Variants in LOC128092253 observed in about 807,000 individuals in gnomAD.
At chr6:133,979,932 C>A in the LOC128092253 span, 5 of 555,032 alleles carry the variant, frequency 9.0e-6, no homozygotes, top group Non-Finnish European at 1.3e-5. Flanking sequence ...CAGACATGAG[C>A]CACTGTGCCC....
chr6:133,963,064 GC>G, the LOC128092253 span, among the ~76,000 whole-genome samples: 1 of 152,338 alleles, frequency 6.6e-6, no homozygotes, highest in African/African-American at 2.4e-5. Flanking sequence ...TCAGCAATGA[GC>G]CATTCATTTG....
At chr6:133,967,059 T>C in the LOC128092253 span, among the ~76,000 whole-genome samples, 2 of 152,238 alleles carry the variant, frequency 1.3e-5, no homozygotes, top group Non-Finnish European at 2.9e-5. Flanking sequence ...AGCCTAGTCT[T>C]ATGCCACTTT....
the LOC128092253 span, among the ~76,000 whole-genome samples, chr6:133,955,992 A>G: frequency 6.6e-6 from 1 of 152,204 alleles, no homozygotes; most frequent in Non-Finnish European, 1.5e-5. Flanking sequence ...ATGTTTTTGG[A>G]GAGAGTTATT....
At chr6:133,966,184 G>T in the LOC128092253 span, among the ~76,000 whole-genome samples, 1 of 152,136 alleles carries the variant, frequency 6.6e-6, no homozygotes, top group Admixed American at 6.5e-5. Context: ...AAACTCTGCA[G>T]ACATTTTATT....
At chr6:133,954,094 C>T in the LOC128092253 span, among the ~76,000 whole-genome samples, 17 of 152,172 alleles carry the variant, frequency 1.1e-4, no homozygotes, top group Non-Finnish European at 1.9e-4. Flanking sequence ...TCTAATAGGG[C>T]ATGAGGGCTT....
chr6:133,955,446 CAT>C, the LOC128092253 span, among the ~76,000 whole-genome samples: 2 of 151,976 alleles, frequency 1.3e-5, no homozygotes, highest in East Asian at 1.9e-4. Context: ...GCATTTTCAA[CAT>C]GTGTCCTTCG....
the LOC128092253 span, among the ~76,000 whole-genome samples, chr6:133,962,088 C>T: frequency 2.6e-5 from 4 of 152,068 alleles, no homozygotes; most frequent in East Asian, 1.9e-4. Context: ...TATAAAACCG[C>T]GAAACAGTCT....
the LOC128092253 span, among the ~76,000 whole-genome samples, chr6:133,965,557 A>G: frequency 6.6e-6 from 1 of 151,458 alleles, no homozygotes; most frequent in Non-Finnish European, 1.5e-5. Flanking sequence ...GAACCCCATG[A>G]TCAACAACTA....
chr6:133,966,020 A>G, the LOC128092253 span, among the ~76,000 whole-genome samples: 1 of 152,220 alleles, frequency 6.6e-6, no homozygotes, highest in African/African-American at 2.4e-5. Context: ...TAAGTGGTAG[A>G]GTCTAGATTT....
At chr6:133,979,945 C>T in the LOC128092253 span, 1 of 668,250 alleles carries the variant, frequency 1.5e-6, no homozygotes, top group Non-Finnish European at 2.1e-6. Flanking sequence ...CTGTGCCCGG[C>T]CAGGGACATG....
the LOC128092253 span, among the ~76,000 whole-genome samples, chr6:133,963,208 A>G: frequency 1.3e-5 from 2 of 152,212 alleles, no homozygotes; most frequent in Non-Finnish European, 2.9e-5. Context: ...TACTGATAGA[A>G]GAATAGAGCC....
the LOC128092253 span, among the ~76,000 whole-genome samples, chr6:133,957,749 CCA>C: frequency 6.6e-6 from 1 of 152,164 alleles, no homozygotes; most frequent in Non-Finnish European, 1.5e-5. Context: ...GCCCTGAGCC[CCA>C]GTTTCCTCAT....
At chr6:133,970,962 C>T in the LOC128092253 span, among the ~76,000 whole-genome samples, 2 of 152,122 alleles carry the variant, frequency 1.3e-5, no homozygotes, top group African/African-American at 2.4e-5. Flanking sequence ...TCAAAAGCCT[C>T]TCTTCTAGCT....
the LOC128092253 span, among the ~76,000 whole-genome samples, chr6:133,972,891 G>A: frequency 1.2e-3 from 179 of 152,272 alleles, no homozygotes; most frequent in African/African-American, 4.2e-3. Flanking sequence ...TGAGGTACAG[G>A]TGGTATTATC....
At chr6:133,973,667 T>G in the LOC128092253 span, among the ~76,000 whole-genome samples, 1 of 152,246 alleles carries the variant, frequency 6.6e-6, no homozygotes, top group African/African-American at 2.4e-5. Context: ...ATACAGATGA[T>G]GTGTTCTTGT....
the LOC128092253 span, among the ~76,000 whole-genome samples, chr6:133,978,566 C>T: frequency 6.6e-6 from 1 of 151,990 alleles, no homozygotes; most frequent in African/African-American, 2.4e-5. Context: ...ACTCCTCATA[C>T]GTAAAAATTA....
the LOC128092253 span, among the ~76,000 whole-genome samples, chr6:133,968,676 T>C: frequency 6.6e-6 from 1 of 152,124 alleles, no homozygotes; most frequent in Non-Finnish European, 1.5e-5. Flanking sequence ...GTTTTTTGTT[T>C]TGTTTTGTTT....
At chr6:133,956,806 G>A in the LOC128092253 span, among the ~76,000 whole-genome samples, 1 of 152,168 alleles carries the variant, frequency 6.6e-6, no homozygotes, top group Non-Finnish European at 1.5e-5. Context: ...AAACAATAAA[G>A]ATAATGGTGG....
the LOC128092253 span, among the ~76,000 whole-genome samples, chr6:133,953,790 G>A: frequency 1.3e-5 from 2 of 152,128 alleles, no homozygotes; most frequent in Non-Finnish European, 2.9e-5. Flanking sequence ...TTCCTCATCT[G>A]TCTCGGAGCC....
Sources: allele counts gnomAD v4.1 joint callset (sites outside exome capture counted in the v4.1 genomes callset), GRCh38; gene constraint gnomAD v4.1.1; transcripts MANE v1.5.